TRHDE: variants seen among roughly 807,000 people sequenced by gnomAD.
TRHDE encodes thyrotropin-releasing hormone-degrading ectoenzyme.
In TRHDE, 72 loss-of-function variants were observed where a neutral mutation model predicts 125.7. The observed-to-expected ratio is 0.57, with a 90% CI of 0.47 to 0.70. TRHDE has a LOEUF of 0.70. Among genes scored for constraint, TRHDE ranks in the 30% least tolerant of loss-of-function variants. The pLI is 0.00. For synonymous variants in TRHDE, 509 were observed against 509.1 expected (o/e 1.00, Z 0.00); for missense variants, 1,110 against 1,327.1 (o/e 0.84, Z 2.54).
At chr12:72,455,053 G>T (rs967182061) in intron 3 of TRHDE, among the ~76,000 whole-genome samples, 2 of 152,072 alleles carry the variant, frequency 1.3e-5, no homozygotes, top group African/African-American at 4.8e-5. Context: ...TTTAGTCTAA[G>T]ACCCAGTAAT....
intron 12 of TRHDE, among the ~76,000 whole-genome samples, chr12:72,578,416 C>A (rs1439802220): frequency 6.6e-6 from 1 of 152,148 alleles, no homozygotes; most frequent in Non-Finnish European, 1.5e-5. Context: ...TTCTTGCTAT[C>A]CTCATTCCCC....
intron 6 of TRHDE, among the ~76,000 whole-genome samples, chr12:72,533,723 G>GTTTTTTTTTTTTTTTTT: frequency 2.0e-5 from 2 of 97,896 alleles, no homozygotes; most frequent in Non-Finnish European, 4.6e-5. Flanking sequence ...TTTTCTATTT[G>GTTTTTTTTTTTTTTTTT]TTTTTTTTTT....
chr12:72,266,528 C>T (rs1423723392), intron 2 of TRHDE, among the ~76,000 whole-genome samples: 1 of 151,076 alleles, frequency 6.6e-6, no homozygotes, highest in East Asian at 1.9e-4. Flanking sequence ...TGTTCAGGGT[C>T]ATACTAGATT....
chr12:72,385,171 G>C (rs1242800377), intron 3 of TRHDE, among the ~76,000 whole-genome samples: 1 of 151,998 alleles, frequency 6.6e-6, no homozygotes, highest in African/African-American at 2.4e-5. Context: ...TTTATATATA[G>C]TTTGGTAGTT....
chr12:72,501,815 T>C (rs1878166825), intron 6 of TRHDE, among the ~76,000 whole-genome samples: 2 of 152,202 alleles, frequency 1.3e-5, no homozygotes, highest in Admixed American at 1.3e-4. Flanking sequence ...GACCTGAAAT[T>C]TTCTTCCTGG....
At chr12:72,407,214 GTCTCC>G (rs888258243) in intron 3 of TRHDE, among the ~76,000 whole-genome samples, 5 of 152,184 alleles carry the variant, frequency 3.3e-5, no homozygotes, top group Admixed American at 3.3e-4. Context: ...CTTTAAATGA[GTCTCC>G]TGCAGTTGGA....
chr12:72,467,416 A>T (rs1876432456), intron 3 of TRHDE, among the ~76,000 whole-genome samples: 1 of 152,102 alleles, frequency 6.6e-6, no homozygotes, highest in African/African-American at 2.4e-5. Flanking sequence ...CTATTTGCTC[A>T]TATTTCCCTT....
intron 3 of TRHDE, among the ~76,000 whole-genome samples, chr12:72,378,482 G>A (rs939115129): frequency 1.3e-5 from 2 of 152,178 alleles, no homozygotes; most frequent in East Asian, 1.9e-4. Context: ...ACATAAGGGA[G>A]TTGAGACCCA....
intron 7 of TRHDE, among the ~76,000 whole-genome samples, chr12:72,558,042 G>GGAGAGA (rs140602723): frequency 4.0e-5 from 6 of 149,674 alleles, no homozygotes; most frequent in African/African-American, 1.2e-4. Flanking sequence ...GGGAGAGAGA[G>GGAGAGA]GAGAGAGAGA....
At chr12:72,630,937 T>C (rs1873470155) in intron 15 of TRHDE, among the ~76,000 whole-genome samples, 1 of 150,070 alleles carries the variant, frequency 6.7e-6, no homozygotes, top group Non-Finnish European at 1.5e-5. Context: ...TCTTTACTTC[T>C]AACTATTAGA....
At chr12:72,597,557 A>G (rs1871995189) in intron 12 of TRHDE, among the ~76,000 whole-genome samples, 1 of 149,456 alleles carries the variant, frequency 6.7e-6, no homozygotes, top group African/African-American at 2.5e-5. Context: ...AATCCCAGCT[A>G]TTCTGGGGGC....
At chr12:72,376,157 G>C (rs764011674) in intron 2 of TRHDE, among the ~76,000 whole-genome samples, 2 of 152,182 alleles carry the variant, frequency 1.3e-5, no homozygotes, top group African/African-American at 2.4e-5. Context: ...CCTCAAGGCA[G>C]TGTGAACTCA....
chr12:72,187,441 G>A (rs1010189103), intron 2 of TRHDE, among the ~76,000 whole-genome samples: 20 of 137,174 alleles, frequency 1.5e-4, no homozygotes, highest in African/African-American at 2.6e-4. Context: ...GGCCCGAGGT[G>A]GGGGGGGTGG....
intron 5 of TRHDE, among the ~76,000 whole-genome samples, chr12:72,488,007 A>G (rs1306467175): frequency 6.6e-6 from 1 of 150,952 alleles, no homozygotes; most frequent in Non-Finnish European, 1.5e-5. Context: ...ACAAAAAAAA[A>G]TTCAACAGAT....
intron 2 of TRHDE, among the ~76,000 whole-genome samples, chr12:72,322,752 G>C (rs1367477718): frequency 6.6e-6 from 1 of 152,056 alleles, no homozygotes; most frequent in African/African-American, 2.4e-5. Context: ...ATACCACTTT[G>C]GTATTGGAAG....
At chr12:72,640,541 T>G (rs542181587) in intron 15 of TRHDE, among the ~76,000 whole-genome samples, 1 of 152,276 alleles carries the variant, frequency 6.6e-6, no homozygotes, top group Admixed American at 6.5e-5. Flanking sequence ...TTTTCAATCC[T>G]TTGTTTCTTT....
chr12:72,116,537 T>C (rs946844600), intron 2 of TRHDE, among the ~76,000 whole-genome samples: 6 of 152,210 alleles, frequency 3.9e-5, no homozygotes, highest in African/African-American at 1.4e-4. Context: ...TTCCTGACTT[T>C]ATAATGATTG....
chr12:72,118,866 G>A (rs148831761), intron 2 of TRHDE, among the ~76,000 whole-genome samples: 173 of 151,974 alleles, frequency 1.1e-3, no homozygotes, highest in Non-Finnish European at 1.9e-3. Flanking sequence ...ATAATTCTTT[G>A]ATTTGCTGTG....
At chr12:72,173,876 T>G (rs978080496) in intron 2 of TRHDE, among the ~76,000 whole-genome samples, 3 of 152,182 alleles carry the variant, frequency 2.0e-5, no homozygotes, top group African/African-American at 7.2e-5. Flanking sequence ...AGTGTGAATT[T>G]TCTAAGAACA....
Sources: gnomAD v4.1 joint callset for allele counts (sites outside exome capture counted in the v4.1 genomes callset) on GRCh38, gnomAD v4.1.1 for gene constraint, MANE v1.5 for transcripts, NCBI Gene and HGNC (gene_info 2026-07-23, HGNC 2026-07-21) for gene names.